Variants in DNAJB12 observed in about 807,000 individuals in gnomAD.
DNAJB12 encodes dnaJ homolog subfamily B member 12.
In DNAJB12, 14 loss-of-function variants were observed where a neutral mutation model predicts 40.6. That is an observed-to-expected ratio of 0.34 (90% CI 0.23 to 0.54). DNAJB12 has a LOEUF of 0.54. DNAJB12 is among the 20% of genes least tolerant of loss of function. The pLI is 0.92. For synonymous variants in DNAJB12, 181 were observed against 199.5 expected, an observed-to-expected ratio of 0.91 and a Z score of 0.78; for missense variants, 444 against 501.7, an observed-to-expected ratio of 0.89 and a Z score of 1.10.
Position 72,335,396 on chromosome 10 carries a change from A to C in DNAJB12, c.*30+384T>G. On this transcript the variant is annotated intron_variant, in intron 8 of 8. Transcript: ENST00000444643. This position sits in a 1 kb window ranked among gnomAD's most constrained non-coding sequence, Gnocchi z 4.4. ...TGGGCCCCACCATATGTGATGGCCT[A>C]AATACCAGGGCACGGACAATAGTCT... 1 of 1,020,302 alleles carries C rather than the reference A, an allele frequency of 9.8e-7. No homozygotes were observed. Among genetic ancestry groups the C allele is most frequent in the Middle Eastern group, 4.9e-4 (1 of 2,038 alleles). 63.2% of individuals were successfully genotyped at this position (1,020,302 alleles called of 1,614,324 possible). A position where few individuals can be genotyped will look rare whatever the true frequency, so the allele number is the denominator to read the frequency against.
In DNAJB12 at chr10:72,354,759, A is replaced by G; in HGVS notation, c.133+6T>C. ...GTCCCCAGTCTCTCCGGCACCTCAC[A>G]CTCACCGCGAACTCGCGGCGTCGGA... On this transcript the variant is annotated splice_donor_region_variant and intron_variant, in intron 1 of 8. Coordinates refer to ENST00000444643, the MANE Select transcript of DNAJB12 (RefSeq NM_017626.7). 3 of 1,609,068 alleles carry G rather than the reference A, an allele frequency of 1.9e-6. No individual in the cohort carries two copies. Among genetic ancestry groups the G allele is most frequent in the South Asian group, 2.2e-5 (2 of 90,854 alleles).
intron 8 of DNAJB12, chr10:72,334,857 C>G (rs1331626822): frequency 3.7e-6 from 5 of 1,336,630 alleles, no homozygotes; most frequent in Non-Finnish European, 3.8e-6. Context: ...AGGGGGTGGG[C>G]AGGGCACCCA....
intron 3 of DNAJB12, 84 bp downstream of exon 3, chr10:72,343,282 T>C (rs1452894905): frequency 5.3e-6 from 8 of 1,511,684 alleles, no homozygotes; most frequent in Admixed American, 2.0e-5. Context: ...CCCTGCTTCC[T>C]GGGAAAGCTG....
intron 1 of DNAJB12, among the ~76,000 whole-genome samples, chr10:72,348,793 T>A (rs747302736): frequency 1.9e-4 from 29 of 152,246 alleles, no homozygotes; most frequent in Non-Finnish European, 3.5e-4. Flanking sequence ...ACAATCATTT[T>A]TCTTACCCAG....
chr10:72,333,535 C>T lies in DNAJB12; in HGVS notation c.*1113G>A, dbSNP rs1343477331. On this transcript the variant is annotated 3_prime_UTR_variant, in exon 9 of 9. Transcript: ENST00000444643. ...AGGAGGCTGCCCTGGGGTCCCGGCA[C>T]CACTGACTGACTCGGAGGAAGAACT... The T allele has an allele frequency of 6.7e-6, 1 of 150,254 alleles. No homozygotes were observed. Among genetic ancestry groups the T allele is most frequent in the African/African-American group, 2.5e-5 (1 of 39,260 alleles). The allele number at this position is 150,254 out of a possible 1,614,324, so 9.3% of individuals were successfully genotyped here. A position where few individuals can be genotyped will look rare whatever the true frequency, so the allele number is the denominator to read the frequency against.
intron 5 of DNAJB12, among the ~76,000 whole-genome samples, chr10:72,340,385 T>C (rs1048403982): frequency 1.3e-5 from 2 of 151,954 alleles, no homozygotes; most frequent in African/African-American, 4.8e-5. Flanking sequence ...TGAGAGAAAA[T>C]AGCTGAGACC....
At chr10:72,353,501 G>C (rs529626270) in intron 1 of DNAJB12, 28 of 152,256 alleles carry the variant, frequency 1.8e-4, no homozygotes, top group African/African-American at 6.0e-4. Context: ...GGGCAGGGCC[G>C]GTTAGGAGGC....
At position 72,354,856 on chromosome 10, in the gene DNAJB12, G is replaced by A; in HGVS notation, c.42C>T (p.Ile14=). The change falls in exon 1 of 9, where the codon ATC becomes ATT. Residue 14 remains isoleucine (I), a synonymous_variant. Coordinates refer to ENST00000444643, the MANE Select transcript of DNAJB12 (RefSeq NM_017626.7). ...GGTTGCTCTGGATGGCCTTGAGGGC[G>A]ATGCTGATACAGCGCTCAGCTTCAT... ...NKDEAERCIS[I]ALKAIQSNQP... is the part of the protein sequence containing the mutation. 6.2e-7 allele frequency: 1 copy of A among 1,614,126 alleles called. No individual in the cohort carries two copies. Among genetic ancestry groups the A allele is most frequent in the Non-Finnish European group, 8.5e-7 (1 of 1,179,954 alleles).
intron 1 of DNAJB12, among the ~76,000 whole-genome samples, chr10:72,347,188 T>C (rs936256897): frequency 6.6e-6 from 1 of 152,144 alleles, no homozygotes; most frequent in Non-Finnish European, 1.5e-5. Context: ...TTCGAACTCC[T>C]GACCTCAAGT....
rs1204016192 is a variant in DNAJB12, at chr10:72,333,805, GT to G, written c.*842del. On this transcript the variant is annotated 3_prime_UTR_variant, in exon 9 of 9. Transcript: ENST00000444643. The stretch of plus-strand genomic sequence containing the variant: ...GGTGGTCTCACCCAAGCAGGTCCTT[GT>G]GGGGCCTCTACTGTGACTCAATACT... 6.6e-6 allele frequency: 1 copy of G among 152,620 alleles called. No individual in the cohort carries two copies. The highest frequency in any genetic ancestry group is 6.5e-5 in the Admixed American group (1 of 15,286). The allele number at this position is 152,620 out of a possible 1,614,324, so 9.5% of individuals were successfully genotyped here.
intron 1 of DNAJB12, 29 bp from the exon 2 acceptor site, chr10:72,345,156 C>T (rs1861751502): frequency 6.4e-7 from 1 of 1,571,936 alleles, no homozygotes; most frequent in Admixed American, 1.8e-5. Flanking sequence ...CCATTCAGAG[C>T]TCCTGCTCAA....
chr10:72,344,873 G>A (rs1861737747), intron 2 of DNAJB12, 77 bp downstream of exon 2: 1 of 1,549,670 alleles, frequency 6.5e-7, no homozygotes, highest in South Asian at 1.1e-5. Context: ...AGGCAGATGG[G>A]AGGTGGAGGA....
chr10:72,346,030 T>C (rs900139390), intron 1 of DNAJB12, among the ~76,000 whole-genome samples: 1 of 152,228 alleles, frequency 6.6e-6, no homozygotes, highest in Non-Finnish European at 1.5e-5. Context: ...GCTTTATTTT[T>C]CAGATAGTAT....
rs375513903 is a variant in DNAJB12, at chr10:72,343,938, A to G, written c.312-427T>C. ...TTTTTAAAATGTTAAATATTTAAAG[A>G]TAGAGACAGGGTCTTCTAATTGCCC... On this transcript the variant is annotated intron_variant, in intron 2 of 8. Coordinates refer to ENST00000444643, the MANE Select transcript of DNAJB12 (RefSeq NM_017626.7). Among the ~76,000 whole-genome samples the G allele has an allele frequency of 1.7e-4, 26 of 151,936 alleles. No individual in the cohort carries two copies. The East Asian group carries it at 4.6e-3, about 27-fold the overall frequency.
At position 72,340,850 on chromosome 10, in the gene DNAJB12, C is replaced by T. The variant is rs1397647309; in HGVS notation, c.662G>A (p.Ser221Asn). 1.2e-6 allele frequency: 2 copies of T among 1,614,036 alleles called. No individual in the cohort carries two copies. Among genetic ancestry groups the T allele is most frequent in the Non-Finnish European group, 1.7e-6 (2 of 1,180,006 alleles). The change falls in exon 5 of 9, where the codon AGC (serine) becomes AAC (asparagine). Residue 221 changes from serine to asparagine, a missense_variant. Coordinates refer to ENST00000444643, the MANE Select transcript of DNAJB12 (RefSeq NM_017626.7). ...GFPSSNVHVYSNGRMRYTYQQ... is the reference protein window; with the variant it reads ...GFPSSNVHVYNNGRMRYTYQQ... ...GTAGGTATAGCGCATGCGGCCGTTGCTGTAGACGTGGACGTTACCTGGGGG... is the reference window on the plus strand; with the variant it reads ...GTAGGTATAGCGCATGCGGCCGTTGTTGTAGACGTGGACGTTACCTGGGGG...
At chr10:72,340,589 C>T (rs1309902853) in intron 5 of DNAJB12, among the ~76,000 whole-genome samples, 200 bp downstream of exon 5, 1 of 152,194 alleles carries the variant, frequency 6.6e-6, no homozygotes, top group Non-Finnish European at 1.5e-5. Flanking sequence ...CAATGTGGAG[C>T]ATGGCTCCCT....
At chr10:72,343,082 G>A (rs1478512191) in intron 3 of DNAJB12, among the ~76,000 whole-genome samples, 1 of 152,244 alleles carries the variant, frequency 6.6e-6, no homozygotes. Flanking sequence ...AATCCTTGGA[G>A]AAGCTACTAG....
chr10:72,342,814 G>A (rs990728956), intron 3 of DNAJB12, among the ~76,000 whole-genome samples: 1 of 152,244 alleles, frequency 6.6e-6, no homozygotes. Flanking sequence ...GGCAGCTTAC[G>A]ATTTCAGCCA....
At chr10:72,336,262 C>T (rs1861470900) in intron 7 of DNAJB12, among the ~76,000 whole-genome samples, 1 of 152,248 alleles carries the variant, frequency 6.6e-6, no homozygotes, top group Admixed American at 6.5e-5. Flanking sequence ...TCTCTACACA[C>T]TCACCTCTGG....
Sources: allele counts gnomAD v4.1 joint callset (sites outside exome capture counted in the v4.1 genomes callset), GRCh38; gene constraint gnomAD v4.1.1; non-coding constraint Gnocchi (gnomAD v3.1); transcripts MANE v1.5; gene names NCBI Gene and HGNC (gene_info 2026-07-23, HGNC 2026-07-21).